The following COL28A1 variants were observed in gnomAD, a reference collection of about 807,000 sequenced individuals.
COL28A1 encodes the protein collagen type XXVIII alpha 1 chain, also known as collagen alpha-1(XXVIII) chain.
Under a neutral mutation model 150.2 loss-of-function variants are expected in COL28A1, and 161 were observed. The observed-to-expected ratio is 1.07, with a 90% CI of 0.94 to 1.22. The LOEUF is 1.22. COL28A1 is among the 50% of genes most tolerant of loss of function. The probability of loss-of-function intolerance (pLI) is 0.00; values close to 1 mark genes in which losing one functional copy is unlikely to be tolerated. For missense variants in COL28A1, 1,617 were observed against 1,388.3 expected (o/e 1.16, Z -2.62); for synonymous variants, 552 against 469.7 (o/e 1.18, Z -2.26).
intron 27 of COL28A1, among the ~76,000 whole-genome samples, chr7:7,384,752 C>G (rs1008424745): frequency 7.9e-5 from 12 of 152,100 alleles, no homozygotes; most frequent in Non-Finnish European, 1.5e-4. Context: ...TCATTGGGAG[C>G]CCCAGAACCC....
At chr7:7,412,249 G>T (rs1199639688) in intron 27 of COL28A1, among the ~76,000 whole-genome samples, 1 of 152,020 alleles carries the variant, frequency 6.6e-6, no homozygotes, top group Non-Finnish European at 1.5e-5. Flanking sequence ...TGATAAAGAG[G>T]CCCAGCCAAC....
intron 20 of COL28A1, among the ~76,000 whole-genome samples, chr7:7,442,594 T>A (rs1380379208): frequency 6.6e-6 from 1 of 152,244 alleles, no homozygotes; most frequent in Non-Finnish European, 1.5e-5. Context: ...AGATTAAGGA[T>A]TCAATTTTAG....
chr7:7,417,549 G>GA, intron 27 of COL28A1: 1 of 73,496 alleles, frequency 1.4e-5, no homozygotes, highest in Non-Finnish European at 2.5e-5. Context: ...AGGGGGGGGG[G>GA]AGAGAGAGAG....
At chr7:7,385,288 C>T (rs545494420) in intron 27 of COL28A1, among the ~76,000 whole-genome samples, 7 of 152,096 alleles carry the variant, frequency 4.6e-5, no homozygotes, top group Non-Finnish European at 1.0e-4. Flanking sequence ...AAGGGAGATG[C>T]GTCAGACCGC....
chr7:7,344,010 T>TA, the COL28A1 span, among the ~76,000 whole-genome samples: 11 of 147,698 alleles, frequency 7.4e-5, no homozygotes, highest in African/African-American at 2.5e-4. Flanking sequence ...TATCTTAAAA[T>TA]AAAAATAAAA....
In COL28A1 at chr7:7,463,793, G is replaced by A. The variant is rs148167632; in HGVS notation, c.1303-7681C>T. 4.6e-3 allele frequency among the ~76,000 whole-genome samples: 707 copies of A among 152,228 alleles called. 5 individuals are homozygous for A. Among genetic ancestry groups the A allele is most frequent in the East Asian group, 0.022 (112 of 5,184 alleles). ...AGGTATATAGGCAAAAAATAGCACA[G>A]TGAATGGTACCTCACATCTCAATAC... On this transcript the variant is annotated intron_variant, in intron 15 of 34. Transcript: ENST00000399429.
Position 7,444,415 on chromosome 7 carries a change from T to C in COL28A1, c.1581+3A>G. 1 of 1,613,918 alleles carries C rather than the reference T, an allele frequency of 6.2e-7. No homozygotes were observed. The highest frequency in any genetic ancestry group is 8.5e-7 in the Non-Finnish European group (1 of 1,179,898). On this transcript the variant is annotated splice_donor_region_variant and intron_variant, in intron 19 of 34. Transcript: ENST00000399429. ...TCCAGTAATACGAAAAACTTGGTGT[T>C]ACCTTCTTCCCTGCAGCTCCATCTT...
intron 8 of COL28A1, among the ~76,000 whole-genome samples, chr7:7,514,879 C>T (rs1781336337): frequency 6.6e-6 from 1 of 152,144 alleles, no homozygotes; most frequent in African/African-American, 2.4e-5. Context: ...CATTCGGCTC[C>T]CCCTCCAGCC....
chr7:7,353,962 G>T (rs1176343589), downstream of COL28A1, among the ~76,000 whole-genome samples: 1 of 151,908 alleles, frequency 6.6e-6, no homozygotes, highest in Admixed American at 6.6e-5. Flanking sequence ...TATGGTAAAG[G>T]CTATTTCTAT....
intron 10 of COL28A1, 86 bp from the exon 11 acceptor site, chr7:7,506,153 G>A: frequency 1.2e-6 from 1 of 806,060 alleles, no homozygotes. Flanking sequence ...TAGAGATCCT[G>A]GCGATCGAAG....
chr7:7,528,123 G>GT (rs1359539762), intron 3 of COL28A1, among the ~76,000 whole-genome samples: 2 of 152,096 alleles, frequency 1.3e-5, no homozygotes, highest in Non-Finnish European at 2.9e-5. Context: ...TTAAATTTAT[G>GT]TTTTTTAAAA....
At chr7:7,404,568 G>C (rs1783394388) in intron 27 of COL28A1, among the ~76,000 whole-genome samples, 1 of 151,858 alleles carries the variant, frequency 6.6e-6, no homozygotes, top group Admixed American at 6.6e-5. Context: ...CCCTCTTCCT[G>C]AAATGTTCTT....
chr7:7,368,389 G>GCT (rs1554259585), intron 33 of COL28A1, among the ~76,000 whole-genome samples: 2 of 150,126 alleles, frequency 1.3e-5, no homozygotes, highest in Admixed American at 6.6e-5. Flanking sequence ...TTTGCCTACT[G>GCT]TTTTTTTTGT....
At chr7:7,511,851 AAAC>A in intron 8 of COL28A1, 1 of 468,276 alleles carries the variant, frequency 2.1e-6, no homozygotes, top group Non-Finnish European at 4.4e-6. Context: ...ATTGCTGAAA[AAAC>A]AACATTTGAG....
chr7:7,469,568 C>A (rs1788258261), intron 15 of COL28A1, among the ~76,000 whole-genome samples: 1 of 93,960 alleles, frequency 1.1e-5, no homozygotes, highest in African/African-American at 4.4e-5. Flanking sequence ...CCATCCCCAT[C>A]AAGCTACCAA....
chr7:7,540,233 A>G (rs2115287029), upstream of COL28A1, among the ~76,000 whole-genome samples: 1 of 152,342 alleles, frequency 6.6e-6, no homozygotes, highest in East Asian at 1.9e-4. Context: ...TGCAGAGCCT[A>G]CAAATAGAGA....
At chr7:7,498,563 T>C (rs928730347) in intron 11 of COL28A1, among the ~76,000 whole-genome samples, 1 of 152,186 alleles carries the variant, frequency 6.6e-6, no homozygotes, top group African/African-American at 2.4e-5. Context: ...TACAACACTG[T>C]GAATGTATTT....
chr7:7,474,519 T>C (rs1470087408), intron 15 of COL28A1, 82 bp downstream of exon 15: 1 of 712,108 alleles, frequency 1.4e-6, no homozygotes. Flanking sequence ...TTGTCATGTA[T>C]ACAGTTCAGA....
At chr7:7,347,446 A>G in the COL28A1 span, among the ~76,000 whole-genome samples, 3 of 152,104 alleles carry the variant, frequency 2.0e-5, no homozygotes, top group Admixed American at 1.3e-4. Flanking sequence ...TGGCTCCAAG[A>G]AAGGGGAATA....
Sources: allele counts gnomAD v4.1 joint callset (sites outside exome capture counted in the v4.1 genomes callset), GRCh38; gene constraint gnomAD v4.1.1; transcripts MANE v1.5; gene names NCBI Gene and HGNC (gene_info 2026-07-23, HGNC 2026-07-21).